Variants in PALD1 observed in about 807,000 individuals in gnomAD.
PALD1 encodes the protein paladin.
PALD1 carries 57 observed loss-of-function variants against 96.0 expected under a neutral mutation model. The ratio of observed to expected loss-of-function variants is 0.59; its 90% confidence interval spans 0.48 to 0.74. The LOEUF (loss-of-function observed/expected upper bound fraction) is 0.74, where lower values mean the gene tolerates loss of function less well. Among genes scored for constraint, PALD1 ranks in the 30% least tolerant of loss-of-function variants. The pLI, the probability that PALD1 is intolerant of heterozygous loss-of-function variation, is 0.00. For synonymous variants in PALD1, 464 were observed against 473.6 expected (o/e 0.98, Z 0.26); for missense variants, 1,063 against 1,143.7 (o/e 0.93, Z 1.02).
At chr10:70,526,275 G>A (rs1846866368) in intron 2 of PALD1, 139 bp downstream of exon 2, 1 of 677,202 alleles carries the variant, frequency 1.5e-6, no homozygotes, top group Non-Finnish European at 2.6e-6. Flanking sequence ...GAGGCCCAGG[G>A]AGATGAAGCA....
At chr10:70,545,141 G>A (rs924269744) in intron 17 of PALD1, among the ~76,000 whole-genome samples, 2 of 149,822 alleles carry the variant, frequency 1.3e-5, no homozygotes, top group African/African-American at 2.4e-5. Flanking sequence ...GGTGGCTGTC[G>A]ACCACGGGAC....
chr10:70,554,431 A>AACAG (rs377104753), intron 18 of PALD1, among the ~76,000 whole-genome samples: 29,816 of 151,604 alleles, frequency 0.2, 3,206 homozygotes, highest in African/African-American at 0.26. Context: ...TCCATCTCAA[A>AACAG]ACAAACAAAT....
rs1301877184 is a variant in PALD1 at position 70,525,987 on chromosome 10, C to T, written c.36C>T (p.Val12=). Reference sequence around the variant, plus strand: ...CGGCCAGCACAGCCCAGCAGACGGTCTCGGCAGGCACCCCATTTGAGGGCC... The same window carrying T: ...CGGCCAGCACAGCCCAGCAGACGGTTTCGGCAGGCACCCCATTTGAGGGCC... ...GTTASTAQQT[V]SAGTPFEGLQ... is the part of the protein sequence containing the mutation. The change falls in exon 2 of 20, where the codon GTC becomes GTT. Residue 12 remains valine (V), a synonymous_variant. Coordinates refer to ENST00000263563, the MANE Select transcript of PALD1 (RefSeq NM_014431.3). The T allele has an allele frequency of 6.2e-7, 1 of 1,614,214 alleles. No homozygotes were observed. Among genetic ancestry groups the T allele is most frequent in the South Asian group, 1.1e-5 (1 of 91,090 alleles).
intron 18 of PALD1, among the ~76,000 whole-genome samples, chr10:70,559,228 A>T (rs567762013): frequency 4.6e-5 from 7 of 152,142 alleles, no homozygotes; most frequent in African/African-American, 1.4e-4. Context: ...GACCTGAAGG[A>T]GGAGCTGTGC....
chr10:70,473,808 G>A (rs1025123632), upstream of PALD1, among the ~76,000 whole-genome samples: 4 of 152,038 alleles, frequency 2.6e-5, no homozygotes, highest in African/African-American at 9.7e-5. Flanking sequence ...ACTATGCCTG[G>A]CTAATTTTTT....
chr10:70,463,187 A>G, the PALD1 span, among the ~76,000 whole-genome samples: 8 of 152,166 alleles, frequency 5.3e-5, no homozygotes, highest in South Asian at 2.1e-4. Flanking sequence ...GGCAGATCAC[A>G]AGGTCAGGAG....
At chr10:70,504,788 T>TC (rs1433834084) in intron 1 of PALD1, among the ~76,000 whole-genome samples, 7 of 152,146 alleles carry the variant, frequency 4.6e-5, no homozygotes, top group Admixed American at 4.6e-4. Flanking sequence ...GTGAAGAAAA[T>TC]CGGCTTCACC....
At chr10:70,497,712 G>A (rs759005920) in intron 1 of PALD1, among the ~76,000 whole-genome samples, 5 of 151,900 alleles carry the variant, frequency 3.3e-5, no homozygotes, top group Non-Finnish European at 7.4e-5. Context: ...GACTACAGGC[G>A]TGTGCCACCA....
At chr10:70,509,305 C>T (rs1846466989) in intron 1 of PALD1, among the ~76,000 whole-genome samples, 1 of 152,192 alleles carries the variant, frequency 6.6e-6, no homozygotes, top group African/African-American at 2.4e-5. Context: ...GGAGGCTGGG[C>T]TCTGTCTTGT....
chr10:70,470,540 A>G, the PALD1 span, among the ~76,000 whole-genome samples: 1 of 145,050 alleles, frequency 6.9e-6, no homozygotes, highest in Non-Finnish European at 1.5e-5. Context: ...TTTATTATAT[A>G]ATAAATAATA....
At chr10:70,524,161 C>T (rs1252577747) in intron 1 of PALD1, among the ~76,000 whole-genome samples, 1 of 152,162 alleles carries the variant, frequency 6.6e-6, no homozygotes, top group Non-Finnish European at 1.5e-5. Flanking sequence ...GGAAGGTTGC[C>T]ATGCTCTAAG....
chr10:70,489,353 C>T (rs1372473159), intron 1 of PALD1, among the ~76,000 whole-genome samples: 1 of 151,968 alleles, frequency 6.6e-6, no homozygotes, highest in East Asian at 1.9e-4. Context: ...TAGATGAACC[C>T]CATCCCCTGC....
Position 70,545,635 on chromosome 10 carries a change from A to C in PALD1, c.2122-1671A>C, listed in dbSNP as rs901664093. On this transcript the variant is annotated intron_variant, in intron 17 of 19. Transcript: ENST00000263563. ...TCTTATTACTCAGAGATGGGGTCTC[A>C]CTATGTTGGCCAGGTTGGTCTTGAA... 2.6e-5 allele frequency among the ~76,000 whole-genome samples: 4 copies of C among 151,674 alleles called. No individual in the cohort carries two copies. The South Asian group carries it at 6.3e-4, about 24-fold the overall frequency.
rs200608609 is a variant in PALD1 at position 70,531,994 on chromosome 10, AG to A, written c.633+541del. Among the ~76,000 whole-genome samples the A allele has an allele frequency of 3.1e-4, 46 of 148,790 alleles. 1 individual carries two copies. Among genetic ancestry groups the A allele is most frequent in the South Asian group, 6.4e-4 (3 of 4,680 alleles). ...TGAAACTCTTTCTAAAAAAAAAAAA[AG>A]AAAAAGAAAAAGAAAGGGTTCTAGG... On this transcript the variant is annotated intron_variant, in intron 5 of 19. Transcript: ENST00000263563.
At position 70,538,281 on chromosome 10, in the gene PALD1, A is replaced by T; in HGVS notation, c.1325A>T (p.Tyr442Phe). Residue 442 changes from tyrosine (Y) to phenylalanine (F), a missense_variant and splice_region_variant, in exon 12 of 20, where the codon TAC becomes TTC. Tyr to Phe is a conservative substitution (Grantham distance 22). Transcript: ENST00000263563. ...ILFNYYLHEQ[Y>F]PLAFALSFSR... ...TCGTCTCTCTGCCTCGGGCTGCAGT[A>T]CCCGCTGGCCTTTGCCCTCAGTTTC... is the stretch of plus-strand genomic sequence containing the variant. 1 of 1,601,596 alleles carries T rather than the reference A, an allele frequency of 6.2e-7. No individual in the cohort carries two copies. Among genetic ancestry groups the T allele is most frequent in the Non-Finnish European group, 8.5e-7 (1 of 1,179,920 alleles).
chr10:70,491,734 A>G (rs1846102125), intron 1 of PALD1, among the ~76,000 whole-genome samples: 1 of 152,198 alleles, frequency 6.6e-6, no homozygotes, highest in South Asian at 2.1e-4. Flanking sequence ...CCATCCATCC[A>G]TTAAGTAATC....
chr10:70,462,133 T>C, the PALD1 span, among the ~76,000 whole-genome samples: 2 of 152,180 alleles, frequency 1.3e-5, no homozygotes, highest in South Asian at 4.1e-4. Context: ...ACAAGGGGAC[T>C]AGGGGCAACT....
chr10:70,478,835 C>T lies in PALD1; in HGVS notation c.-254C>T, dbSNP rs1447305409. On this transcript the variant is annotated 5_prime_UTR_variant, in exon 1 of 20. Coordinates refer to ENST00000263563, the MANE Select transcript of PALD1 (RefSeq NM_014431.3). The stretch of plus-strand genomic sequence containing the variant: ...GGCCGGGGCGCGCAGGTCCCGTCGC[C>T]GGTGAGCACGGGCTCCCTCTCGCGT... 6.6e-6 allele frequency: 1 copy of T among 151,706 alleles called. No homozygotes were observed. Among genetic ancestry groups the T allele is most frequent in the Admixed American group, 6.6e-5 (1 of 15,216 alleles). The allele number at this position is 151,706 out of a possible 1,614,324, so 9.4% of individuals were successfully genotyped here.
chr10:70,490,059 A>T (rs1343046549), intron 1 of PALD1, among the ~76,000 whole-genome samples: 2 of 152,098 alleles, frequency 1.3e-5, no homozygotes, highest in Non-Finnish European at 2.9e-5. Flanking sequence ...AGTAGCTGGG[A>T]TCACAGGCAC....
Sources: allele counts gnomAD v4.1 joint callset (sites outside exome capture counted in the v4.1 genomes callset), GRCh38; gene constraint gnomAD v4.1.1; transcripts MANE v1.5; gene names NCBI Gene and HGNC (gene_info 2026-07-23, HGNC 2026-07-21).